ATP8A2: variants seen among roughly 807,000 people sequenced by gnomAD.
ATP8A2 encodes the protein ATPase phospholipid transporting 8A2.
Under a neutral mutation model 165.6 loss-of-function variants are expected in ATP8A2, and 100 were observed. The observed-to-expected ratio is 0.60, with a 90% CI of 0.51 to 0.71. The LOEUF is 0.71. Among genes scored for constraint, ATP8A2 ranks in the 30% least tolerant of loss-of-function variants. The probability of loss-of-function intolerance (pLI) is 0.00; values close to 1 mark genes in which losing one functional copy is unlikely to be tolerated. For synonymous variants in ATP8A2, 543 were observed against 548.8 expected (o/e 0.99, Z 0.15); for missense variants, 1,227 against 1,479.5 (o/e 0.83, Z 2.80).
chr13:25,905,623 G>A (rs1011403349), intron 33 of ATP8A2, among the ~76,000 whole-genome samples: 6 of 152,154 alleles, frequency 3.9e-5, no homozygotes, highest in Non-Finnish European at 8.8e-5. Flanking sequence ...TCTGCAGGCC[G>A]CTGCCATCTG....
intron 36 of ATP8A2, among the ~76,000 whole-genome samples, chr13:26,014,634 TA>T (rs1001044456): frequency 6.6e-6 from 1 of 151,796 alleles, no homozygotes; most frequent in Non-Finnish European, 1.5e-5. Flanking sequence ...ATTTCTATGT[TA>T]AAAAAACAAA....
rs2032427675 is a variant in ATP8A2, at chr13:25,372,237, A to C, written c.25A>C (p.Lys9Gln). 4.7e-6 allele frequency: 7 copies of C among 1,479,812 alleles called. No homozygotes were observed. The highest frequency in any genetic ancestry group is 6.3e-6 in the Non-Finnish European group (7 of 1,112,480). 91.7% of individuals were successfully genotyped at this position (1,479,812 alleles called of 1,614,324 possible). A position where few individuals can be genotyped will look rare whatever the true frequency, so the allele number is the denominator to read the frequency against. ...GATGCTGAACGGCGCAGGCCTGGAC[A>C]AAGCTCTTAAGATGTCCCTGCCGCG... MLNGAGLD[K>Q]ALKMSLPRRS... is the part of the protein sequence containing the mutation. Residue 9 changes from lysine (K) to glutamine (Q), a missense_variant, in exon 1 of 37, where the codon AAA (lysine) becomes CAA (glutamine). By Grantham distance (53) the Lys-to-Gln change is moderately conservative. Around this residue, in one of 5 missense-constraint regions of ATP8A2, gnomAD observed 356 missense variants for 394.9 expected, o/e 0.90. Transcript: ENST00000381655. This position sits in a 1 kb window ranked among gnomAD's most constrained non-coding sequence, Gnocchi z 4.8.
chr13:25,656,074 G>A (rs1371829716), intron 24 of ATP8A2, among the ~76,000 whole-genome samples: 4 of 152,184 alleles, frequency 2.6e-5, no homozygotes, highest in African/African-American at 9.6e-5. Context: ...CTCCCCCTGT[G>A]TAACCTTGGA....
intron 2 of ATP8A2, among the ~76,000 whole-genome samples, chr13:25,511,485 G>T (rs921019943): frequency 1.3e-5 from 2 of 152,106 alleles, no homozygotes; most frequent in Non-Finnish European, 2.9e-5. Context: ...GGAGTGGGGT[G>T]GGGGGTTGCT....
At chr13:25,850,397 A>G (rs1356496596) in intron 30 of ATP8A2, among the ~76,000 whole-genome samples, 4 of 78,392 alleles carry the variant, frequency 5.1e-5, no homozygotes, top group Non-Finnish European at 2.4e-5. Flanking sequence ...CCACCTCATC[A>G]GCTCACCTTT....
chr13:25,971,880 C>T (rs1955922758), intron 35 of ATP8A2, among the ~76,000 whole-genome samples: 1 of 152,130 alleles, frequency 6.6e-6, no homozygotes, highest in Middle Eastern at 3.2e-3. Context: ...AACCCACTCC[C>T]TCTCCTGCCT....
At chr13:25,925,099 G>T (rs1441136976) in intron 33 of ATP8A2, among the ~76,000 whole-genome samples, 2 of 152,136 alleles carry the variant, frequency 1.3e-5, no homozygotes, top group South Asian at 4.1e-4. Flanking sequence ...TAACTAACCA[G>T]ATAAAAGACT....
chr13:25,424,353 T>C (rs977767202), intron 1 of ATP8A2, among the ~76,000 whole-genome samples: 2 of 152,214 alleles, frequency 1.3e-5, no homozygotes, highest in Non-Finnish European at 2.9e-5. Flanking sequence ...GGCAGTGTTG[T>C]TTCAGCCTTA....
intron 33 of ATP8A2, among the ~76,000 whole-genome samples, chr13:25,879,412 T>C (rs571355482): frequency 3.9e-5 from 6 of 152,268 alleles, no homozygotes; most frequent in African/African-American, 1.4e-4. Flanking sequence ...AAAATGGACG[T>C]TACTTAATAA....
intron 33 of ATP8A2, among the ~76,000 whole-genome samples, chr13:25,868,708 C>A (rs898370308): frequency 6.6e-6 from 1 of 152,148 alleles, no homozygotes; most frequent in African/African-American, 2.4e-5. Context: ...TTGTCGCCTG[C>A]ACCCCAGGGT....
At chr13:25,754,223 A>G (rs957308989) in intron 25 of ATP8A2, among the ~76,000 whole-genome samples, 4 of 151,368 alleles carry the variant, frequency 2.6e-5, no homozygotes, top group African/African-American at 7.3e-5. Context: ...GCTTCATTAC[A>G]TGCTGATAAA....
intron 27 of ATP8A2, among the ~76,000 whole-genome samples, chr13:25,819,206 T>C (rs535642540): frequency 3.3e-5 from 5 of 152,306 alleles, no homozygotes; most frequent in African/African-American, 1.2e-4. Context: ...TGGTTTGCCT[T>C]GAAAAGTCCT....
intron 1 of ATP8A2, among the ~76,000 whole-genome samples, chr13:25,431,205 A>T (rs1368179120): frequency 6.6e-6 from 1 of 152,076 alleles, no homozygotes; most frequent in Admixed American, 6.5e-5. Flanking sequence ...GCTAGAGTGC[A>T]ATGGTGTGAT....
chr13:25,613,445 G>A (rs1016708162), intron 24 of ATP8A2, among the ~76,000 whole-genome samples: 2 of 152,116 alleles, frequency 1.3e-5, no homozygotes, highest in Non-Finnish European at 2.9e-5. Context: ...GTGGTGGTGT[G>A]CACCTGTAGT....
At position 25,833,223 on chromosome 13, in the gene ATP8A2, A is replaced by G. The variant is rs962979939; in HGVS notation, c.2755-3940A>G. Among the ~76,000 whole-genome samples, 31 of 152,142 alleles carry G rather than the reference A, an allele frequency of 2.0e-4. No homozygotes were observed. In the South Asian group the frequency reaches 4.2e-3, roughly 20 times the overall value. The stretch of plus-strand genomic sequence containing the variant: ...TATTGAACAAATGGAAAAGCATACT[A>G]TTTTCTTGTATGGGAAGACTTAGTA... On this transcript the variant is annotated intron_variant, in intron 28 of 36. Transcript: ENST00000381655.
At chr13:25,699,475 A>C (rs2042906602) in intron 25 of ATP8A2, 130 bp downstream of exon 25, 1 of 713,536 alleles carries the variant, frequency 1.4e-6, no homozygotes, top group Admixed American at 3.9e-5. Flanking sequence ...ACAAAAATAC[A>C]AATTTATTTT....
In ATP8A2 at chr13:25,699,208, C is replaced by A; in HGVS notation, c.2247C>A (p.Asp749Glu). The A allele has an allele frequency of 1.2e-6, 2 of 1,612,144 alleles. No individual in the cohort carries two copies. The highest frequency in any genetic ancestry group is 1.7e-6 in the Non-Finnish European group (2 of 1,178,998). ...CAGCCATTACTCAGCACTGCACTGA[C>A]CTTGGGAATTTGCTGGGCAAGGAAA... ...TRAAITQHCTDLGNLLGKEND... is the reference protein window; with the variant it reads ...TRAAITQHCTELGNLLGKEND... Residue 749 changes from aspartate to glutamate, a missense_variant, in exon 25 of 37, where the codon GAC becomes GAA. By Grantham distance (45) the Asp-to-Glu change is conservative (BLOSUM62 2). This residue lies in a region of ATP8A2 where 592 missense variants were observed against 785.6 expected (regional missense o/e 0.75). Transcript: ENST00000381655.
chr13:25,634,445 A>T (rs1338559337), intron 24 of ATP8A2, among the ~76,000 whole-genome samples: 2 of 152,232 alleles, frequency 1.3e-5, no homozygotes, highest in Non-Finnish European at 2.9e-5. Context: ...TAAAGTGCTC[A>T]TTCAGAAATA....
intron 25 of ATP8A2, among the ~76,000 whole-genome samples, chr13:25,736,964 T>C (rs1566090524): frequency 6.6e-6 from 1 of 151,862 alleles, no homozygotes; most frequent in Non-Finnish European, 1.5e-5. Context: ...TTAGGGAGGG[T>C]GCATGTGTTG....
Sources: gnomAD v4.1 joint callset for allele counts (sites outside exome capture counted in the v4.1 genomes callset) on GRCh38, gnomAD v4.1.1 for gene constraint, gnomAD v4.1.1 regional missense constraint, Gnocchi (gnomAD v3.1) non-coding constraint, MANE v1.5 for transcripts, NCBI Gene and HGNC (gene_info 2026-07-23, HGNC 2026-07-21) for gene names.